CFAP299: variants seen among roughly 807,000 people sequenced by gnomAD.
CFAP299 encodes cilia- and flagella-associated protein 299.
CFAP299 carries 21 observed loss-of-function variants against 27.0 expected under a neutral mutation model. The observed-to-expected ratio is 0.78, with a 90% CI of 0.55 to 1.12. CFAP299 has a LOEUF of 1.12. CFAP299 is among the 50% of genes most tolerant of loss of function. The probability of loss-of-function intolerance (pLI) is 0.00; values close to 1 mark genes in which losing one functional copy is unlikely to be tolerated. For synonymous variants in CFAP299, 104 were observed against 98.1 expected (o/e 1.06, Z -0.36); for missense variants, 310 against 276.6 (o/e 1.12, Z -0.86).
At position 80,881,411 on chromosome 4, in the gene CFAP299, G is replaced by T. The variant is rs561115157; in HGVS notation, c.476+11276G>T. 3.3e-5 allele frequency among the ~76,000 whole-genome samples: 5 copies of T among 152,174 alleles called. No individual in the cohort carries two copies. In the South Asian group the frequency reaches 1.0e-3, roughly 32 times the overall value. On this transcript the variant is annotated intron_variant, in intron 4 of 5. Coordinates refer to ENST00000358105, the MANE Select transcript of CFAP299 (RefSeq NM_152770.3). ...ACCAGCAGAGCTCAATCCCTGGAAAGGTATGCAACAAAGAAAGGAGACAAA... is the reference window on the plus strand; with the variant it reads ...ACCAGCAGAGCTCAATCCCTGGAAATGTATGCAACAAAGAAAGGAGACAAA...
At chr4:80,522,097 G>T (rs143080172) in intron 2 of CFAP299, among the ~76,000 whole-genome samples, 257 of 151,784 alleles carry the variant, frequency 1.7e-3, no homozygotes, top group African/African-American at 6.0e-3. Context: ...AGTGCATAAG[G>T]GTTCCAAGTA....
At chr4:80,863,094 T>G (rs1417049203) in intron 3 of CFAP299, among the ~76,000 whole-genome samples, 1 of 152,108 alleles carries the variant, frequency 6.6e-6, no homozygotes, top group Non-Finnish European at 1.5e-5. Context: ...GAGAGCACAC[T>G]GACAGTCTGC....
rs190285327 is a variant in CFAP299 at position 80,895,367 on chromosome 4, C to T, written c.476+25232C>T. Among the ~76,000 whole-genome samples the T allele has an allele frequency of 7.9e-5, 12 of 151,976 alleles. 1 individual carries two copies. Among genetic ancestry groups the T allele is most frequent in the Admixed American group, 6.6e-4 (10 of 15,256 alleles). Reference sequence around the variant, plus strand: ...GAGTTATTGCTTTGTTTCTTCAACTCATATTAATTTGAACCACTTTAAAGG... The same window carrying T: ...GAGTTATTGCTTTGTTTCTTCAACTTATATTAATTTGAACCACTTTAAAGG... On this transcript the variant is annotated intron_variant, in intron 4 of 5. Transcript: ENST00000358105.
chr4:80,691,757 CCTGTTTG>C, intron 3 of CFAP299, among the ~76,000 whole-genome samples: 1 of 152,162 alleles, frequency 6.6e-6, no homozygotes, highest in East Asian at 1.9e-4. Context: ...TCAAATTGTC[CCTGTTTG>C]CAGTTGACAT....
intron 2 of CFAP299, among the ~76,000 whole-genome samples, chr4:80,561,180 C>T (rs1369917808): frequency 2.0e-5 from 3 of 152,116 alleles, no homozygotes; most frequent in Non-Finnish European, 4.4e-5. Context: ...CCTGGTAATC[C>T]AGTGAATTCT....
At chr4:80,360,443 C>G (rs1723486214) in intron 1 of CFAP299, among the ~76,000 whole-genome samples, 1 of 152,152 alleles carries the variant, frequency 6.6e-6, no homozygotes, top group African/African-American at 2.4e-5. Flanking sequence ...TTAAAGAAAT[C>G]CAACACACCC....
intron 3 of CFAP299, among the ~76,000 whole-genome samples, chr4:80,846,766 T>C (rs893631048): frequency 1.3e-5 from 2 of 152,162 alleles, no homozygotes; most frequent in African/African-American, 4.8e-5. Flanking sequence ...CCCATTGGTA[T>C]GACCACATTC....
intron 3 of CFAP299, among the ~76,000 whole-genome samples, chr4:80,719,540 G>T (rs1444992056): frequency 6.6e-6 from 1 of 152,106 alleles, no homozygotes; most frequent in East Asian, 1.9e-4. Flanking sequence ...CATAAATTCT[G>T]ATATGTTGTG....
intron 4 of CFAP299, among the ~76,000 whole-genome samples, chr4:80,924,544 A>G (rs867368013): frequency 0.062 from 8,610 of 139,352 alleles, 396 homozygotes; most frequent in East Asian, 0.15. Context: ...GTGTGTATAT[A>G]TATATATATA....
chr4:80,689,736 A>T (rs1349041048), intron 3 of CFAP299, among the ~76,000 whole-genome samples: 2 of 152,232 alleles, frequency 1.3e-5, no homozygotes, highest in African/African-American at 4.8e-5. Flanking sequence ...CAATTAAAAG[A>T]CATAGACTGG....
intron 4 of CFAP299, among the ~76,000 whole-genome samples, chr4:80,919,197 G>T (rs1480777380): frequency 6.6e-6 from 1 of 152,112 alleles, no homozygotes; most frequent in Non-Finnish European, 1.5e-5. Flanking sequence ...CATGCTGCAA[G>T]TTGAGCAAAT....
chr4:80,562,984 A>T (rs1422482777), intron 2 of CFAP299, among the ~76,000 whole-genome samples: 2 of 152,142 alleles, frequency 1.3e-5, no homozygotes, highest in Non-Finnish European at 1.5e-5. Flanking sequence ...AGGTCAATTC[A>T]GCAAGAGGTT....
intron 2 of CFAP299, among the ~76,000 whole-genome samples, chr4:80,465,239 T>C (rs1244651179): frequency 6.6e-6 from 1 of 152,210 alleles, no homozygotes; most frequent in Non-Finnish European, 1.5e-5. Context: ...TATGATACTG[T>C]AATTTGGATA....
At chr4:80,602,860 A>G (rs1440015788) in intron 3 of CFAP299, among the ~76,000 whole-genome samples, 1 of 152,102 alleles carries the variant, frequency 6.6e-6, no homozygotes, top group Admixed American at 6.5e-5. Flanking sequence ...TCTCTGCTGG[A>G]ACACTGGCCA....
intron 3 of CFAP299, among the ~76,000 whole-genome samples, chr4:80,828,160 C>A (rs1005231024): frequency 6.6e-6 from 1 of 151,796 alleles, no homozygotes; most frequent in African/African-American, 2.4e-5. Flanking sequence ...ATCATAATTG[C>A]AATGACATTT....
Position 80,460,184 on chromosome 4 carries a change from A to C in CFAP299, c.242+97300A>C, listed in dbSNP as rs568484461. Among the ~76,000 whole-genome samples the C allele has an allele frequency of 6.6e-5, 10 of 152,234 alleles. No homozygotes were observed. In the South Asian group the frequency reaches 2.1e-3, roughly 32 times the overall value. ...AGTAAGTTTCTGTCAGACTCCTGAA[A>C]GTGTCAGACTCTCATTCTCTCTCTT... On this transcript the variant is annotated intron_variant, in intron 2 of 5. Coordinates refer to ENST00000358105, the MANE Select transcript of CFAP299 (RefSeq NM_152770.3).
intron 2 of CFAP299, among the ~76,000 whole-genome samples, chr4:80,531,466 A>T (rs1348138544): frequency 6.6e-6 from 1 of 152,194 alleles, no homozygotes; most frequent in Non-Finnish European, 1.5e-5. Flanking sequence ...CACTCCAGGG[A>T]ACTAGGCACC....
At chr4:80,656,442 T>C (rs1301070102) in intron 3 of CFAP299, among the ~76,000 whole-genome samples, 1 of 152,090 alleles carries the variant, frequency 6.6e-6, no homozygotes, top group Non-Finnish European at 1.5e-5. Context: ...GTTCTCATTG[T>C]TCAACTCCCA....
intron 3 of CFAP299, among the ~76,000 whole-genome samples, chr4:80,807,656 G>C (rs1409499470): frequency 6.6e-6 from 1 of 152,046 alleles, no homozygotes; most frequent in African/African-American, 2.4e-5. Context: ...AAAAGATGCT[G>C]TTGTTTTGCT....
Sources: gnomAD v4.1 joint callset for allele counts (sites outside exome capture counted in the v4.1 genomes callset) on GRCh38, gnomAD v4.1.1 for gene constraint, MANE v1.5 for transcripts, NCBI Gene and HGNC (gene_info 2026-07-23, HGNC 2026-07-21) for gene names.